Variants in MSI2 observed in about 807,000 individuals in gnomAD.
MSI2 encodes the protein RNA-binding protein Musashi homolog 2.
A neutral mutation model predicts 45.6 loss-of-function variants in MSI2; 17 were observed. That is an observed-to-expected ratio of 0.37 (90% CI 0.26 to 0.56). The LOEUF (loss-of-function observed/expected upper bound fraction) is 0.56. Among genes scored for constraint, MSI2 ranks in the 20% least tolerant of loss-of-function variants. The pLI is 0.77. For missense variants in MSI2, 293 were observed against 444.2 expected (o/e 0.66, Z 3.06); for synonymous variants, 156 against 158.2 (o/e 0.99, Z 0.11).
At chr17:57,602,872 C>T (rs188385641) in intron 8 of MSI2, among the ~76,000 whole-genome samples, 36 of 152,302 alleles carry the variant, frequency 2.4e-4, no homozygotes, top group Admixed American at 2.2e-3. Flanking sequence ...CACCCTAGAC[C>T]TACAGAGTCA....
chr17:57,688,478 A>G (rs149771381), downstream of MSI2, among the ~76,000 whole-genome samples: 10 of 152,294 alleles, frequency 6.6e-5, no homozygotes, highest in African/African-American at 2.4e-4. Flanking sequence ...TCACTAGGGA[A>G]ATTATGGACT....
At chr17:57,322,959 G>A (rs908663498) in intron 5 of MSI2, among the ~76,000 whole-genome samples, 1 of 151,936 alleles carries the variant, frequency 6.6e-6, no homozygotes, top group Non-Finnish European at 1.5e-5. Flanking sequence ...GAAACAGGTT[G>A]AGAAAGAAGC....
chr17:57,538,818 C>T lies in MSI2; in HGVS notation c.454+9094C>T, dbSNP rs2086978616. On this transcript the variant is annotated intron_variant, in intron 7 of 13. Transcript: ENST00000284073. ...AATCGGTAACAAGGAGTTAGAACTG[C>T]ATATTGGTTAAGATCACATGCTCTG... Among the ~76,000 whole-genome samples the T allele has an allele frequency of 2.0e-5, 3 of 152,298 alleles. No individual in the cohort carries two copies. The South Asian group carries it at 6.2e-4, about 32-fold the overall frequency.
At chr17:57,597,045 G>A in intron 8 of MSI2, 95 bp downstream of exon 8, 1 of 863,578 alleles carries the variant, frequency 1.2e-6, no homozygotes, top group Non-Finnish European at 1.9e-6. Context: ...TCAGGCTGGA[G>A]TGGGCAGGGG....
intron 5 of MSI2, among the ~76,000 whole-genome samples, chr17:57,336,773 G>A (rs1412210697): frequency 1.3e-5 from 2 of 152,160 alleles, no homozygotes; most frequent in African/African-American, 2.4e-5. Context: ...TAAAATGTGT[G>A]TTATTTGCCT....
chr17:57,613,979 T>C (rs569820632), intron 8 of MSI2, among the ~76,000 whole-genome samples: 1 of 152,350 alleles, frequency 6.6e-6, no homozygotes, highest in South Asian at 2.1e-4. Context: ...TATTTTTTGA[T>C]TGAAGTATTT....
intron 7 of MSI2, among the ~76,000 whole-genome samples, chr17:57,580,266 G>A (rs372690283): frequency 6.6e-6 from 1 of 152,152 alleles, no homozygotes; most frequent in East Asian, 1.9e-4. Context: ...TCCTCCTCTG[G>A]GAAGGGCTCC....
chr17:57,491,309 G>A (rs1243348245), intron 6 of MSI2, among the ~76,000 whole-genome samples: 5 of 152,190 alleles, frequency 3.3e-5, no homozygotes, highest in African/African-American at 9.7e-5. Flanking sequence ...GTGAATGAGC[G>A]AAGGAACTCT....
chr17:57,475,823 G>A (rs1037962156), intron 6 of MSI2, among the ~76,000 whole-genome samples: 9 of 143,084 alleles, frequency 6.3e-5, no homozygotes, highest in South Asian at 4.8e-4. Flanking sequence ...ACACACACAC[G>A]AAAAGAACAT....
chr17:57,322,929 G>A (rs1913467403), intron 5 of MSI2, among the ~76,000 whole-genome samples: 1 of 151,976 alleles, frequency 6.6e-6, no homozygotes. Flanking sequence ...CCACTTGGGA[G>A]TTATGTGTTG....
At chr17:57,396,742 G>A (rs2083898159) in intron 5 of MSI2, among the ~76,000 whole-genome samples, 1 of 152,136 alleles carries the variant, frequency 6.6e-6, no homozygotes, top group Non-Finnish European at 1.5e-5. Context: ...GAACTTTCCA[G>A]CAATGATTTG....
intron 6 of MSI2, among the ~76,000 whole-genome samples, chr17:57,459,899 C>T (rs1298208150): frequency 1.3e-5 from 2 of 151,890 alleles, no homozygotes; most frequent in Non-Finnish European, 1.5e-5. Flanking sequence ...AAGGCTGAGG[C>T]GGGCAGATCA....
chr17:57,333,190 A>T (rs1694194873), intron 5 of MSI2, among the ~76,000 whole-genome samples: 1 of 152,088 alleles, frequency 6.6e-6, no homozygotes, highest in Admixed American at 6.5e-5. Flanking sequence ...CCCTCCTCAT[A>T]GCGTTGCTGT....
At chr17:57,404,827 T>C (rs2143129627) in intron 6 of MSI2, among the ~76,000 whole-genome samples, 1 of 152,226 alleles carries the variant, frequency 6.6e-6, no homozygotes, top group East Asian at 1.9e-4. Context: ...AATTGGAGGC[T>C]TGTAAACCCT....
At chr17:57,685,821 A>G (rs1200982931), downstream of MSI2, among the ~76,000 whole-genome samples, 1 of 152,192 alleles carries the variant, frequency 6.6e-6, no homozygotes, top group Non-Finnish European at 1.5e-5. Flanking sequence ...CTGATGTGAG[A>G]AATCCCTTTT....
chr17:57,360,277 A>G (rs1916729223), intron 5 of MSI2, among the ~76,000 whole-genome samples: 1 of 152,178 alleles, frequency 6.6e-6, no homozygotes, highest in Non-Finnish European at 1.5e-5. Context: ...TGGATTTTCT[A>G]CCCTGCCTCA....
intron 7 of MSI2, among the ~76,000 whole-genome samples, chr17:57,549,628 C>G (rs566657379): frequency 4.6e-5 from 7 of 152,154 alleles, no homozygotes; most frequent in Non-Finnish European, 1.0e-4. Context: ...TTCATACATC[C>G]CCACATTTAA....
intron 5 of MSI2, among the ~76,000 whole-genome samples, chr17:57,331,881 A>G (rs1208291695): frequency 6.6e-6 from 1 of 152,204 alleles, no homozygotes; most frequent in African/African-American, 2.4e-5. Flanking sequence ...TCTTTATAGA[A>G]TTGCTACTCT....
At chr17:57,594,264 C>T (rs1310305984) in intron 7 of MSI2, among the ~76,000 whole-genome samples, 2 of 152,292 alleles carry the variant, frequency 1.3e-5, no homozygotes, top group East Asian at 3.9e-4. Flanking sequence ...CGGGAGGGTG[C>T]TGGCTCTTAA....
Sources: allele counts gnomAD v4.1 joint callset (sites outside exome capture counted in the v4.1 genomes callset), GRCh38; gene constraint gnomAD v4.1.1; transcripts MANE v1.5; gene names NCBI Gene and HGNC (gene_info 2026-07-23, HGNC 2026-07-21).